HPN: variants seen among roughly 807,000 people sequenced by gnomAD.
The protein encoded by HPN is hepsin.
HPN carries 13 observed loss-of-function variants against 55.9 expected under a neutral mutation model. The observed-to-expected ratio is 0.23, with a 90% confidence interval of 0.15 to 0.37. The LOEUF (loss-of-function observed/expected upper bound fraction) is 0.37, where lower values mean the gene tolerates loss of function less well. Ranked by LOEUF, HPN falls within the 10% of genes least tolerant of loss-of-function variation. The pLI is 1.00. For synonymous variants in HPN, 225 were observed against 240.3 expected (o/e 0.94, Z 0.59); for missense variants, 451 against 575.8 (o/e 0.78, Z 2.22).
intron 4 of HPN, among the ~76,000 whole-genome samples, chr19:35,057,425 CAA>C (rs576575533): frequency 9.2e-5 from 8 of 86,836 alleles, no homozygotes; most frequent in Admixed American, 1.4e-4. Context: ...GACTCTGTCT[CAA>C]AAAAAAAAAA....
At chr19:35,055,379 G>A (rs2064444553) in intron 4 of HPN, among the ~76,000 whole-genome samples, 2 of 145,504 alleles carry the variant, frequency 1.4e-5, no homozygotes, top group Admixed American at 7.1e-5. Flanking sequence ...CCTGGGTGGT[G>A]GAGCGAGACC....
chr19:35,046,539 C>T (rs1197355846), intron 2 of HPN, among the ~76,000 whole-genome samples: 2 of 152,180 alleles, frequency 1.3e-5, no homozygotes, highest in Non-Finnish European at 2.9e-5. Context: ...GCCACCATGC[C>T]CAGCCTGAGC....
At chr19:35,061,471 G>A (rs1042705300) in intron 9 of HPN, among the ~76,000 whole-genome samples, 1 of 152,216 alleles carries the variant, frequency 6.6e-6, no homozygotes, top group Non-Finnish European at 1.5e-5. Context: ...GCACACGCCT[G>A]TAATCCCAGC....
intron 2 of HPN, among the ~76,000 whole-genome samples, chr19:35,046,247 A>AT (rs35476966): frequency 0.012 from 1,760 of 144,066 alleles, 44 homozygotes; most frequent in South Asian, 0.11. Flanking sequence ...TGAGCTTTCA[A>AT]TTTTTTTTTT....
intron 4 of HPN, chr19:35,050,343 C>T (rs1036319359): frequency 1.8e-4 from 80 of 451,956 alleles, no homozygotes; most frequent in Non-Finnish European, 3.0e-4. Flanking sequence ...AGGACGGTCT[C>T]TATCTCCTGA....
intron 4 of HPN, 127 bp downstream of exon 4, chr19:35,049,643 A>G: frequency 1.1e-6 from 1 of 901,992 alleles, no homozygotes; most frequent in Non-Finnish European, 1.7e-6. Context: ...ATAATAGTGC[A>G]TTTGTATTGA....
At chr19:35,040,699 G>T (rs1367807965), upstream of HPN, among the ~76,000 whole-genome samples, 11 of 152,182 alleles carry the variant, frequency 7.2e-5, no homozygotes, top group African/African-American at 2.4e-4. Context: ...TGGGGTGTGT[G>T]GTGTGCCCAG....
chr19:35,044,784 G>A (rs1055883206), intron 2 of HPN, among the ~76,000 whole-genome samples: 12 of 152,138 alleles, frequency 7.9e-5, no homozygotes, highest in Non-Finnish European at 1.5e-4. Context: ...GGTTCTATAG[G>A]TAAAGAGGGG....
At chr19:35,060,205 C>T in intron 7 of HPN, 36 bp downstream of exon 7, 2 of 1,613,034 alleles carry the variant, frequency 1.2e-6, no homozygotes, top group East Asian at 4.5e-5. Context: ...CTCCTTTAGG[C>T]CCTTGGGGAG....
At position 35,065,174 on chromosome 19, in the gene HPN, T is replaced by G. The variant is rs1322228168; in HGVS notation, c.812-76T>G. 18 of 977,190 alleles carry G rather than the reference T, an allele frequency of 1.8e-5. 2 individuals are homozygous for G. In the South Asian group the frequency reaches 2.6e-4, roughly 14 times the overall value. 60.5% of individuals were successfully genotyped at this position (977,190 alleles called of 1,614,324 possible). ...AGAGGGCAGGGTGTGTTAGGGGCCA[T>G]GGTAGCAGCTGGACAGAGGTTTGTA... On this transcript the variant is annotated intron_variant, in intron 9 of 12. Coordinates refer to ENST00000672452, the MANE Select transcript of HPN (RefSeq NM_001384133.1).
intron 1 of HPN, 57 bp from the exon 2 acceptor site, chr19:35,042,396 A>G (rs939496709): frequency 1.3e-6 from 2 of 1,496,706 alleles, no homozygotes; most frequent in South Asian, 1.3e-5. Context: ...TGGGGGCGCC[A>G]GGACTGGGCT....
At chr19:35,042,221 C>T (rs1481385947) in intron 1 of HPN, 1 of 1,301,116 alleles carries the variant, frequency 7.7e-7, no homozygotes, top group Non-Finnish European at 9.8e-7. Flanking sequence ...CCCTGCTCCA[C>T]CAGGCTCAGG....
rs773899049 is a variant in HPN, at chr19:35,042,511, C to T, written c.5C>T (p.Ala2Val). 3.0e-5 allele frequency: 49 copies of T among 1,609,256 alleles called. No individual in the cohort carries two copies. The highest frequency in any genetic ancestry group is 4.0e-5 in the Non-Finnish European group (47 of 1,178,094). ...TCATTAACAAGAGGCAGTGACATGG[C>T]GCAGAAGGAGGGTGAGTCCCCTTCC... M[A>V]QKEGGRTVPC... Residue 2 changes from alanine to valine, a missense_variant, in exon 2 of 13, where the codon GCG (alanine) becomes GTG (valine). Around this residue, in one of 2 missense-constraint regions of HPN, gnomAD observed 378 missense variants for 445.5 expected, o/e 0.85. Transcript: ENST00000672452.
At chr19:35,055,814 TA>T (rs2064449381) in intron 4 of HPN, among the ~76,000 whole-genome samples, 1 of 152,160 alleles carries the variant, frequency 6.6e-6, no homozygotes, top group South Asian at 2.1e-4. Flanking sequence ...CAAGAGGCTT[TA>T]AAATGTTATC....
chr19:35,060,052 C>T (rs2064509981), intron 6 of HPN, 56 bp downstream of exon 6: 6 of 1,613,758 alleles, frequency 3.7e-6, no homozygotes, highest in Non-Finnish European at 5.1e-6. Flanking sequence ...GGCACTCCCT[C>T]TCCCCGTTTT....
intron 2 of HPN, among the ~76,000 whole-genome samples, chr19:35,045,078 G>C (rs967443681): frequency 6.6e-6 from 1 of 152,038 alleles, no homozygotes; most frequent in Admixed American, 6.6e-5. Flanking sequence ...ACCTGGTAGG[G>C]GCAAAGGGAC....
In HPN at chr19:35,059,812, G is replaced by A. The variant is rs771123848; in HGVS notation, c.290+10G>A. ...AGATGGGCTTCCTCAGGTACTGGGG[G>A]CCCTCGGAGGGGTGGGAGCCGGGAG... On this transcript the variant is annotated intron_variant, in intron 5 of 12. Transcript: ENST00000672452. 6.4e-7 allele frequency: 1 copy of A among 1,552,488 alleles called. No homozygotes were observed. Among genetic ancestry groups the A allele is most frequent in the Non-Finnish European group, 8.7e-7 (1 of 1,147,654 alleles).
At chr19:35,057,526 A>G (rs1174057604) in intron 4 of HPN, among the ~76,000 whole-genome samples, 2 of 152,130 alleles carry the variant, frequency 1.3e-5, no homozygotes, top group East Asian at 1.9e-4. Flanking sequence ...TAAAACATAG[A>G]AGGGTAAGTT....
At chr19:35,045,007 C>T (rs2064327983) in intron 2 of HPN, among the ~76,000 whole-genome samples, 1 of 151,954 alleles carries the variant, frequency 6.6e-6, no homozygotes, top group African/African-American at 2.4e-5. Flanking sequence ...GGAGTGAGGG[C>T]CTCTGAGACA....
Sources: allele counts gnomAD v4.1 joint callset (sites outside exome capture counted in the v4.1 genomes callset), GRCh38; gene constraint gnomAD v4.1.1; regional missense constraint gnomAD v4.1.1; transcripts MANE v1.5; gene names NCBI Gene and HGNC (gene_info 2026-07-23, HGNC 2026-07-21).